PTPRN2: variants seen among roughly 807,000 people sequenced by gnomAD.
The protein encoded by PTPRN2 is receptor-type tyrosine-protein phosphatase N2.
PTPRN2 carries 74 observed loss-of-function variants against 118.8 expected under a neutral mutation model. That is an observed-to-expected ratio of 0.62 (90% CI 0.52 to 0.76). The LOEUF is 0.76. PTPRN2 is among the 30% of genes least tolerant of loss of function. The pLI, the probability that PTPRN2 is intolerant of heterozygous loss-of-function variation, is 0.00. For missense variants in PTPRN2, 1,481 were observed against 1,394.4 expected, an observed-to-expected ratio of 1.06 and a Z score of -0.99; for synonymous variants, 641 against 608.0, an observed-to-expected ratio of 1.05 and a Z score of -0.80.
intron 2 of PTPRN2, among the ~76,000 whole-genome samples, chr7:158,337,467 T>G (rs866136779): frequency 2.4e-3 from 341 of 144,048 alleles, no homozygotes; most frequent in African/African-American, 8.7e-3. Context: ...AAACCCACAC[T>G]CTCACCATAA....
chr7:157,665,339 G>A (rs977975369), intron 13 of PTPRN2, among the ~76,000 whole-genome samples: 1 of 152,256 alleles, frequency 6.6e-6, no homozygotes, highest in Non-Finnish European at 1.5e-5. Flanking sequence ...AGACCTTGTG[G>A]CATTTGCGTG....
chr7:158,122,970 A>G (rs1817296412), intron 9 of PTPRN2, among the ~76,000 whole-genome samples: 1 of 152,154 alleles, frequency 6.6e-6, no homozygotes, highest in African/African-American at 2.4e-5. Flanking sequence ...ACCCGCCATG[A>G]CCGACCCTCC....
chr7:158,583,125 A>G (rs554242184), intron 1 of PTPRN2, among the ~76,000 whole-genome samples: 2 of 152,296 alleles, frequency 1.3e-5, no homozygotes, highest in East Asian at 1.9e-4. Context: ...AATCTAAAGA[A>G]AAGTCGATGA....
intron 2 of PTPRN2, among the ~76,000 whole-genome samples, chr7:158,395,813 G>GGTGAGGC (rs1424374679): frequency 1.5e-5 from 2 of 136,718 alleles, no homozygotes; most frequent in African/African-American, 5.7e-5. Flanking sequence ...AGGGGCGAGG[G>GGTGAGGC]GCGAGGGCTC....
chr7:158,169,284 C>G (rs949723091), intron 5 of PTPRN2, among the ~76,000 whole-genome samples: 4 of 152,092 alleles, frequency 2.6e-5, no homozygotes, highest in African/African-American at 9.7e-5. Context: ...CCTCTTTCAT[C>G]CAGGCTGGAG....
At chr7:157,792,708 C>T (rs1007332459) in intron 12 of PTPRN2, among the ~76,000 whole-genome samples, 2 of 152,174 alleles carry the variant, frequency 1.3e-5, no homozygotes, top group African/African-American at 4.8e-5. Flanking sequence ...AGGCTGGGGC[C>T]GGGGGTCTCT....
At chr7:158,016,274 A>C (rs1289494308) in intron 11 of PTPRN2, among the ~76,000 whole-genome samples, 2 of 152,132 alleles carry the variant, frequency 1.3e-5, no homozygotes, top group African/African-American at 4.8e-5. Flanking sequence ...CACACTTCAC[A>C]AGCCACAGAT....
rs544812432 is a variant in PTPRN2, at chr7:158,022,451, C to T, written c.1723+58847G>A. ...CATGATGTGTTCACAGCCAAGGCCC[C>T]GGCACCTGGGCACTCTGGGGCAGCC... On this transcript the variant is annotated intron_variant, in intron 11 of 22. Coordinates refer to ENST00000389418, the MANE Select transcript of PTPRN2 (RefSeq NM_002847.5). The surrounding 1 kb of genome is among the most constrained non-coding windows in gnomAD (Gnocchi z 4.6). Among the ~76,000 whole-genome samples the T allele has an allele frequency of 4.6e-5, 7 of 151,986 alleles. No individual in the cohort carries two copies. The highest frequency in any genetic ancestry group is 3.9e-4 in the East Asian group (2 of 5,144).
rs1804746614 is a variant in PTPRN2 at position 157,794,551 on chromosome 7, CCTCA to C, written c.1788+104118_1788+104121del. On this transcript the variant is annotated intron_variant, in intron 12 of 22. Transcript: ENST00000389418. This position sits in a 1 kb window ranked among gnomAD's most constrained non-coding sequence, Gnocchi z 5.2. Reference sequence around the variant, plus strand: ...GGCAATTATACAATAGGACTATCACCCTCACTGTCACTCTCCGCTTTGTTTAAAT... The same window carrying C: ...GGCAATTATACAATAGGACTATCACCCTGTCACTCTCCGCTTTGTTTAAAT... Among the ~76,000 whole-genome samples the C allele has an allele frequency of 2.0e-5, 3 of 152,208 alleles. No individual in the cohort carries two copies. The highest frequency in any genetic ancestry group is 2.9e-5 in the Non-Finnish European group (2 of 68,050).
chr7:157,609,543 C>CT lies in PTPRN2; in HGVS notation c.2345-5469dup, dbSNP rs1802205359. Among the ~76,000 whole-genome samples, 1 of 152,220 alleles carries CT rather than the reference C, an allele frequency of 6.6e-6. No homozygotes were observed. Among genetic ancestry groups the CT allele is most frequent in the Admixed American group, 6.5e-5 (1 of 15,284 alleles). ...ACTTTCCCGTTTTAGGCTGAAGAAA[C>CT]TAAGACTCATAAGGATGGAACGATT... is the stretch of plus-strand genomic sequence containing the variant. On this transcript the variant is annotated intron_variant, in intron 15 of 22. Transcript: ENST00000389418. This position sits in a 1 kb window ranked among gnomAD's most constrained non-coding sequence, Gnocchi z 4.9.
intron 3 of PTPRN2, among the ~76,000 whole-genome samples, chr7:158,286,357 T>A (rs1210184661): frequency 6.6e-6 from 1 of 152,218 alleles, no homozygotes; most frequent in Non-Finnish European, 1.5e-5. Context: ...TCCTTTTGCC[T>A]AATTGCCCTG....
chr7:157,641,354 A>G (rs909317970), intron 14 of PTPRN2, among the ~76,000 whole-genome samples: 2 of 152,258 alleles, frequency 1.3e-5, no homozygotes, highest in African/African-American at 2.4e-5. Context: ...AAAGAATGAG[A>G]TGTACACAGG....
intron 12 of PTPRN2, among the ~76,000 whole-genome samples, chr7:157,866,833 CCCCCCCG>C (rs1326038958): frequency 6.8e-5 from 8 of 118,286 alleles, no homozygotes; most frequent in Admixed American, 5.7e-4. Flanking sequence ...CACCACCGCC[CCCCCCCG>C]ACGCCCTGGA....
intron 20 of PTPRN2, among the ~76,000 whole-genome samples, chr7:157,570,970 C>T (rs537436005): frequency 2.8e-4 from 43 of 152,248 alleles, no homozygotes; most frequent in African/African-American, 6.0e-4. Flanking sequence ...TGAGGCCTCG[C>T]GCGGTGGCTC....
chr7:158,146,960 C>A (rs1585617507), intron 6 of PTPRN2, among the ~76,000 whole-genome samples: 8 of 142,482 alleles, frequency 5.6e-5, no homozygotes, highest in African/African-American at 7.9e-5. Context: ...CTCAATGACA[C>A]CCCATCTCAC....
chr7:158,435,807 G>A (rs149550173), intron 2 of PTPRN2, among the ~76,000 whole-genome samples: 27 of 152,324 alleles, frequency 1.8e-4, no homozygotes, highest in Admixed American at 9.1e-4. Flanking sequence ...TGAGCTGAGC[G>A]AAGTAATCCA....
At chr7:158,513,552 A>G (rs917124857) in intron 1 of PTPRN2, among the ~76,000 whole-genome samples, 2 of 152,238 alleles carry the variant, frequency 1.3e-5, no homozygotes, top group African/African-American at 4.8e-5. Context: ...ATGTGAAGAT[A>G]TGAGAACTCT....
intron 2 of PTPRN2, among the ~76,000 whole-genome samples, chr7:158,414,201 C>A (rs1293214000): frequency 6.6e-6 from 1 of 152,038 alleles, no homozygotes; most frequent in Non-Finnish European, 1.5e-5. Flanking sequence ...AGGTGCTCAA[C>A]CCCGAACGGC....
At chr7:158,166,814 T>C (rs10236479) in intron 6 of PTPRN2, 117 bp downstream of exon 6, 837,018 of 1,267,366 alleles carry the variant, frequency 0.66, 278,812 homozygotes, top group East Asian at 0.75. Context: ...CCACGCGTCC[T>C]CGGGGGAGTG....
Sources: allele counts gnomAD v4.1 joint callset (sites outside exome capture counted in the v4.1 genomes callset), GRCh38; gene constraint gnomAD v4.1.1; non-coding constraint Gnocchi (gnomAD v3.1); transcripts MANE v1.5; gene names NCBI Gene and HGNC (gene_info 2026-07-23, HGNC 2026-07-21).